The following IL5RA variants were observed in gnomAD, a reference collection of about 807,000 sequenced individuals.
IL5RA encodes the protein interleukin-5 receptor subunit alpha.
IL5RA carries 49 observed loss-of-function variants against 50.0 expected under a neutral mutation model. That is an observed-to-expected ratio of 0.98 (90% CI 0.78 to 1.24). The LOEUF (loss-of-function observed/expected upper bound fraction) is 1.24. Ranked by LOEUF, IL5RA falls within the 50% of genes most tolerant of loss-of-function variation. IL5RA has a pLI of 0.00. For synonymous variants in IL5RA, 202 were observed against 174.0 expected (o/e 1.16, Z -1.26); for missense variants, 600 against 500.4 (o/e 1.20, Z -1.90).
intron 5 of IL5RA, among the ~76,000 whole-genome samples, chr3:3,099,747 G>A (rs1703552677): frequency 6.6e-6 from 1 of 151,606 alleles, no homozygotes; most frequent in African/African-American, 2.4e-5. Context: ...TCAGCTCACT[G>A]CAACCTCACC....
intron 3 of IL5RA, among the ~76,000 whole-genome samples, chr3:3,104,037 T>C (rs191854673): frequency 6.6e-6 from 1 of 152,322 alleles, no homozygotes; most frequent in East Asian, 1.9e-4. Context: ...AAATTTTATT[T>C]AATTAATCAA....
At chr3:3,093,255 C>T (rs1256542505) in intron 8 of IL5RA, among the ~76,000 whole-genome samples, 1 of 152,120 alleles carries the variant, frequency 6.6e-6, no homozygotes, top group Non-Finnish European at 1.5e-5. Flanking sequence ...GAATTACTTG[C>T]CACTTGACTG....
In IL5RA at chr3:3,069,893, A is replaced by C. The variant is rs1041445435; in HGVS notation, c.*332T>G. ...GTAAATACAGCTGGACGTTAGCCTTAAAAGCTGTCTGTTGTGAATGAAAAG... is the reference window on the plus strand; with the variant it reads ...GTAAATACAGCTGGACGTTAGCCTTCAAAGCTGTCTGTTGTGAATGAAAAG... On this transcript the variant is annotated 3_prime_UTR_variant, in exon 12 of 12. Coordinates refer to ENST00000446632, the MANE Select transcript of IL5RA (RefSeq NM_175726.4). 1.9e-5 allele frequency: 4 copies of C among 206,876 alleles called. No homozygotes were observed. Among genetic ancestry groups the C allele is most frequent in the Non-Finnish European group, 3.8e-5 (4 of 104,326 alleles). The allele number at this position is 206,876 out of a possible 1,614,324, so 12.8% of individuals were successfully genotyped here. A position where few individuals can be genotyped will look rare whatever the true frequency, so the allele number is the denominator to read the frequency against.
intron 3 of IL5RA, among the ~76,000 whole-genome samples, chr3:3,103,971 GCT>G (rs1703783247): frequency 6.6e-6 from 1 of 152,142 alleles, no homozygotes; most frequent in African/African-American, 2.4e-5. Context: ...GACTTTTAGA[GCT>G]CTGTCTATAT....
chr3:3,075,260 T>A (rs1702438113), intron 10 of IL5RA, among the ~76,000 whole-genome samples: 1 of 138,044 alleles, frequency 7.2e-6, no homozygotes, highest in African/African-American at 2.8e-5. Flanking sequence ...TGGAGTGCAG[T>A]GGCGCCATCG....
chr3:3,069,904 G>T lies in IL5RA; in HGVS notation c.*321C>A. The T allele has an allele frequency of 4.5e-6, 1 of 222,482 alleles. No individual in the cohort carries two copies. The highest frequency in any genetic ancestry group is 8.7e-6 in the Non-Finnish European group (1 of 114,482). The allele number at this position is 222,482 out of a possible 1,614,324, so 13.8% of individuals were successfully genotyped here. The stretch of plus-strand genomic sequence containing the variant: ...TGGACGTTAGCCTTAAAAGCTGTCT[G>T]TTGTGAATGAAAAGTCTGAGGTGAG... On this transcript the variant is annotated 3_prime_UTR_variant, in exon 12 of 12. Coordinates refer to ENST00000446632, the MANE Select transcript of IL5RA (RefSeq NM_175726.4).
chr3:3,073,472 A>G (rs1229083088), intron 11 of IL5RA, among the ~76,000 whole-genome samples: 1 of 152,220 alleles, frequency 6.6e-6, no homozygotes, highest in Non-Finnish European at 1.5e-5. Context: ...CTACTTTCAC[A>G]CTACAATGGC....
At chr3:3,105,102 A>G (rs1703846737) in intron 2 of IL5RA, 115 bp from the exon 3 acceptor site, 1 of 654,504 alleles carries the variant, frequency 1.5e-6, no homozygotes. Context: ...CATTTATGGC[A>G]TATTTGTTAT....
chr3:3,099,943 TA>T (rs1206701138), intron 5 of IL5RA, among the ~76,000 whole-genome samples: 1 of 152,208 alleles, frequency 6.6e-6, no homozygotes, highest in Non-Finnish European at 1.5e-5. Flanking sequence ...GTGCTGGGAT[TA>T]CAGGCGTGAG....
intron 5 of IL5RA, among the ~76,000 whole-genome samples, chr3:3,100,980 CAATAATAATAAT>C (rs35949387): frequency 0.05 from 7,117 of 141,682 alleles, 445 homozygotes; most frequent in African/African-American, 0.15. Flanking sequence ...AACCCCATCT[CAATAATAATAAT>C]AATAATAATA....
At chr3:3,076,776 G>C (rs1405277297) in intron 9 of IL5RA, 149 bp from the exon 10 acceptor site, 16 of 547,972 alleles carry the variant, frequency 2.9e-5, no homozygotes, top group Non-Finnish European at 4.9e-5. Context: ...ACTTCCCTGA[G>C]CCTAAGATTT....
rs1397508306 is a variant in IL5RA, at chr3:3,092,677, T to C, written c.856-315A>G. On this transcript the variant is annotated intron_variant, in intron 8 of 11. Transcript: ENST00000446632. The surrounding 1 kb of genome is among the most constrained non-coding windows in gnomAD (Gnocchi z 4.2). ...AGTGGCCTATGCTAGAATGCATTAT[T>C]CCCTCACCTTGTCTCTCCATAATCT... 6.6e-6 allele frequency among the ~76,000 whole-genome samples: 1 copy of C among 152,200 alleles called. No homozygotes were observed. Among genetic ancestry groups the C allele is most frequent in the Non-Finnish European group, 1.5e-5 (1 of 68,040 alleles).
chr3:3,068,217 CCT>C lies in IL5RA; in HGVS notation c.*2006_*2007del, dbSNP rs1417182036. 3 of 152,246 alleles carry C rather than the reference CCT, an allele frequency of 2.0e-5. No individual in the cohort carries two copies. Among genetic ancestry groups the C allele is most frequent in the South Asian group, 2.1e-4 (1 of 4,822 alleles). 9.4% of individuals were successfully genotyped at this position (152,246 alleles called of 1,614,324 possible). ...AGAGACTCTAAGAATGGAGCCCACT[CCT>C]CTGTGTCTTAAGGAGCCCTCCAGGC... On this transcript the variant is annotated 3_prime_UTR_variant, in exon 12 of 12. Transcript: ENST00000446632.
intron 5 of IL5RA, among the ~76,000 whole-genome samples, chr3:3,100,216 G>T (rs556034950): frequency 1.3e-5 from 2 of 152,250 alleles, no homozygotes; most frequent in Admixed American, 1.3e-4. Flanking sequence ...TTTGATCGTA[G>T]CTTAAGTGAG....
chr3:3,104,874 C>T (rs1559880718), intron 3 of IL5RA, 29 bp downstream of exon 3: 9 of 1,346,290 alleles, frequency 6.7e-6, no homozygotes, highest in Non-Finnish European at 9.5e-6. Flanking sequence ...TAAAAATAAA[C>T]ATTATTGAAT....
rs1278595410 is a variant in IL5RA at position 3,092,058 on chromosome 3, A to G, written c.994+166T>C. 7.2e-7 allele frequency: 1 copy of G among 1,382,046 alleles called. No individual in the cohort carries two copies. Among genetic ancestry groups the G allele is most frequent in the Non-Finnish European group, 9.3e-7 (1 of 1,071,996 alleles). 85.6% of individuals were successfully genotyped at this position (1,382,046 alleles called of 1,614,324 possible). Reference sequence around the variant, plus strand: ...GACACTTAAAAACTTCACTGGCTTCATGGCAAATCTATTCCTGATTGAAAA... The same window carrying G: ...GACACTTAAAAACTTCACTGGCTTCGTGGCAAATCTATTCCTGATTGAAAA... On this transcript the variant is annotated intron_variant, in intron 9 of 11. Transcript: ENST00000446632. This position sits in a 1 kb window ranked among gnomAD's most constrained non-coding sequence, Gnocchi z 4.2.
intron 9 of IL5RA, among the ~76,000 whole-genome samples, chr3:3,081,059 A>G (rs58992635): frequency 0.013 from 2,045 of 152,272 alleles, 37 homozygotes; most frequent in African/African-American, 0.047. Flanking sequence ...TTGTTTTACA[A>G]AAAGGCATTA....
chr3:3,084,423 G>A (rs895853975), intron 9 of IL5RA, among the ~76,000 whole-genome samples: 11 of 152,204 alleles, frequency 7.2e-5, no homozygotes, highest in African/African-American at 2.4e-4. Flanking sequence ...AAAAGGGTAT[G>A]GGTATTCCTA....
At chr3:3,085,499 G>A (rs944609991) in intron 9 of IL5RA, among the ~76,000 whole-genome samples, 1 of 152,172 alleles carries the variant, frequency 6.6e-6, no homozygotes, top group Non-Finnish European at 1.5e-5. Context: ...AGAGCTCCAG[G>A]TGGGAGTCAG....
Sources: gnomAD v4.1 joint callset for allele counts (sites outside exome capture counted in the v4.1 genomes callset) on GRCh38, gnomAD v4.1.1 for gene constraint, Gnocchi (gnomAD v3.1) non-coding constraint, MANE v1.5 for transcripts, NCBI Gene and HGNC (gene_info 2026-07-23, HGNC 2026-07-21) for gene names.